Variants in CHD9 observed in about 807,000 individuals in gnomAD.
The protein encoded by CHD9 is chromodomain helicase DNA binding protein 9.
CHD9 carries 77 observed loss-of-function variants against 316.1 expected under a neutral mutation model. The observed-to-expected ratio is 0.24, with a 90% CI of 0.20 to 0.29. The LOEUF (loss-of-function observed/expected upper bound fraction) is 0.29, where lower values mean the gene tolerates loss of function less well. Ranked by LOEUF, CHD9 falls within the 10% of genes least tolerant of loss-of-function variation. The probability of loss-of-function intolerance (pLI) is 1.00; values close to 1 mark genes in which losing one functional copy is unlikely to be tolerated. For missense variants in CHD9, 2,763 were observed against 3,438.1 expected (o/e 0.80, Z 4.91); for synonymous variants, 1,129 against 1,158.3 (o/e 0.97, Z 0.51).
intron 1 of CHD9, among the ~76,000 whole-genome samples, chr16:53,131,555 G>A (rs1166222128): frequency 6.6e-6 from 1 of 151,332 alleles, no homozygotes; most frequent in Non-Finnish European, 1.5e-5. Context: ...CCCCGGGGTC[G>A]GGACACGGCA....
At chr16:53,106,596 G>C (rs1482822043) in intron 1 of CHD9, among the ~76,000 whole-genome samples, 1 of 152,096 alleles carries the variant, frequency 6.6e-6, no homozygotes. Flanking sequence ...TGTTAGCTGA[G>C]AGGAAAAGAA....
At chr16:53,187,311 C>T (rs1209916971) in intron 2 of CHD9, among the ~76,000 whole-genome samples, 1 of 151,998 alleles carries the variant, frequency 6.6e-6, no homozygotes, top group Non-Finnish European at 1.5e-5. Flanking sequence ...AGTTTGAGAC[C>T]AGCTTGGGCA....
chr16:53,089,570 A>T (rs2035761471), intron 1 of CHD9, among the ~76,000 whole-genome samples: 1 of 152,220 alleles, frequency 6.6e-6, no homozygotes, highest in Non-Finnish European at 1.5e-5. Flanking sequence ...GCAGGTGAGG[A>T]CTTTGCCCAT....
At position 53,286,274 on chromosome 16, in the gene CHD9, T is replaced by C. The variant is rs1010496922; in HGVS notation, c.5120T>C (p.Leu1707Ser). The change falls in exon 26 of 39, where the codon TTG becomes TCG. Residue 1707 changes from leucine (L) to serine (S), a missense_variant. Transcript: ENST00000447540. ...TIRADPALCF[L>S]ERVGKPDEKA... ...CGAGCAGACCCAGCATTATGCTTCTTGGAAAGAGTGGGAAAACCTGATGAG... is the reference window on the plus strand; with the variant it reads ...CGAGCAGACCCAGCATTATGCTTCTCGGAAAGAGTGGGAAAACCTGATGAG... 2 of 1,613,418 alleles carry C rather than the reference T, an allele frequency of 1.2e-6. No individual in the cohort carries two copies. The highest frequency in any genetic ancestry group is 1.7e-6 in the Non-Finnish European group (2 of 1,179,430).
At chr16:53,253,937 G>A (rs1299525670) in intron 17 of CHD9, among the ~76,000 whole-genome samples, 1 of 152,202 alleles carries the variant, frequency 6.6e-6, no homozygotes, top group Admixed American at 6.5e-5. Context: ...AGCACTTTGG[G>A]AGGTTGGGGC....
At chr16:53,162,783 CTT>C (rs1204390530) in intron 2 of CHD9, among the ~76,000 whole-genome samples, 62 of 133,762 alleles carry the variant, frequency 4.6e-4, no homozygotes, top group Non-Finnish European at 6.0e-4. Context: ...ACATATAAGC[CTT>C]TTTTTTTTTT....
chr16:53,167,815 C>T (rs1267657939), intron 2 of CHD9, among the ~76,000 whole-genome samples: 3 of 150,834 alleles, frequency 2.0e-5, no homozygotes, highest in East Asian at 1.9e-4. Context: ...TACAAATTAT[C>T]GCAAAACTCT....
intron 21 of CHD9, among the ~76,000 whole-genome samples, 187 bp from the exon 22 acceptor site, chr16:53,267,740 T>C (rs1303251093): frequency 1.3e-5 from 2 of 152,216 alleles, no homozygotes; most frequent in African/African-American, 4.8e-5. Context: ...AATTAGATGT[T>C]ATCCATTACT....
chr16:53,130,684 G>A (rs1293361162), intron 1 of CHD9, among the ~76,000 whole-genome samples: 2 of 151,684 alleles, frequency 1.3e-5, no homozygotes, highest in East Asian at 1.9e-4. Context: ...GCGCGGCGGG[G>A]CCATGTTGGA....
intron 1 of CHD9, among the ~76,000 whole-genome samples, chr16:53,152,305 A>G (rs1321604786): frequency 6.6e-6 from 1 of 152,098 alleles, no homozygotes; most frequent in Admixed American, 6.5e-5. Context: ...CTTGGTTGTT[A>G]TAAATATTTG....
rs947064635 is a variant in CHD9 at position 53,231,633 on chromosome 16, A to G, written c.2374-14A>G. 1.3e-6 allele frequency: 2 copies of G among 1,552,988 alleles called. No homozygotes were observed. Among genetic ancestry groups the G allele is most frequent in the Admixed American group, 4.2e-5 (2 of 48,086 alleles). ...GTCTTTTTCAAAATGGTAAATGAAA[A>G]AATTTTTTTACAGCCTGTTATTTAC... On this transcript the variant is annotated splice_polypyrimidine_tract_variant and intron_variant, in intron 9 of 38. Coordinates refer to ENST00000447540, the MANE Select transcript of CHD9 (RefSeq NM_001308319.2).
chr16:53,206,962 C>T (rs1039201996), intron 2 of CHD9, among the ~76,000 whole-genome samples: 1 of 152,298 alleles, frequency 6.6e-6, no homozygotes, highest in Admixed American at 6.5e-5. Context: ...TTGATGACAT[C>T]TCAAGTCAGA....
chr16:53,271,233 TA>T (rs1377894894), intron 22 of CHD9, among the ~76,000 whole-genome samples: 1 of 152,008 alleles, frequency 6.6e-6, no homozygotes, highest in Non-Finnish European at 1.5e-5. Flanking sequence ...AGCCAAGGAT[TA>T]TCAGGCATCT....
At chr16:53,127,584 C>A (rs564212590) in intron 1 of CHD9, among the ~76,000 whole-genome samples, 1 of 152,142 alleles carries the variant, frequency 6.6e-6, no homozygotes, top group African/African-American at 2.4e-5. Flanking sequence ...GACTGTGTAA[C>A]CAGGGCAAGA....
At chr16:53,234,113 G>A (rs1394225067) in intron 10 of CHD9, among the ~76,000 whole-genome samples, 1 of 152,052 alleles carries the variant, frequency 6.6e-6, no homozygotes, top group Non-Finnish European at 1.5e-5. Context: ...AATATCAAAA[G>A]TTATTTTGGA....
chr16:53,254,702 A>G (rs1354387109), intron 18 of CHD9, 97 bp downstream of exon 18: 1 of 1,068,306 alleles, frequency 9.4e-7, no homozygotes, highest in Non-Finnish European at 1.3e-6. Flanking sequence ...CATGCAGAAT[A>G]CTAAACACAT....
At chr16:53,117,712 G>A (rs912040955) in intron 1 of CHD9, among the ~76,000 whole-genome samples, 7 of 151,992 alleles carry the variant, frequency 4.6e-5, no homozygotes, top group South Asian at 2.1e-4. Context: ...CATTGCACCC[G>A]GCCTGACATA....
chr16:53,267,905 T>C, intron 21 of CHD9, 22 bp from the exon 22 acceptor site: 1 of 1,601,904 alleles, frequency 6.2e-7, no homozygotes, highest in Non-Finnish European at 8.5e-7. Context: ...AATATCAATG[T>C]AACTATACCT....
chr16:53,317,290 G>C (rs1028565371), intron 36 of CHD9, among the ~76,000 whole-genome samples: 2 of 151,964 alleles, frequency 1.3e-5, no homozygotes, highest in African/African-American at 4.8e-5. Flanking sequence ...ATGAACAGAA[G>C]AGGTGAATTG....
Sources: allele counts gnomAD v4.1 joint callset (sites outside exome capture counted in the v4.1 genomes callset), GRCh38; gene constraint gnomAD v4.1.1; transcripts MANE v1.5; gene names NCBI Gene and HGNC (gene_info 2026-07-23, HGNC 2026-07-21).